Variants in ADARB2 observed in about 807,000 individuals in gnomAD.
ADARB2 encodes the protein inactive double-stranded RNA-specific editase B2.
Under a neutral mutation model 62.2 loss-of-function variants are expected in ADARB2, and 25 were observed. The ratio of observed to expected loss-of-function variants is 0.40; its 90% CI spans 0.29 to 0.56. ADARB2 has a LOEUF of 0.56. Among genes scored for constraint, ADARB2 ranks in the 20% least tolerant of loss-of-function variants. ADARB2 has a pLI of 0.43. For synonymous variants in ADARB2, 572 were observed against 500.8 expected (o/e 1.14, Z -1.90); for missense variants, 1,071 against 1,077.4 (o/e 0.99, Z 0.08).
At chr10:1,509,595 T>A (rs1296340579) in intron 1 of ADARB2, among the ~76,000 whole-genome samples, 1 of 152,238 alleles carries the variant, frequency 6.6e-6, no homozygotes, top group Non-Finnish European at 1.5e-5. Flanking sequence ...CAGATAGGCT[T>A]GACTATTTGT....
rs189755194 is a variant in ADARB2 at position 1,685,898 on chromosome 10, C to A, written c.100+51153G>T. ...TGGGGGAGGCTGAGTATGTGCAGGG[C>A]GGACGTGGCTGGGTGGCCTCTGCCC... On this transcript the variant is annotated intron_variant, in intron 1 of 9. Transcript: ENST00000381312. Among the ~76,000 whole-genome samples the A allele has an allele frequency of 9.9e-4, 151 of 152,246 alleles. 1 individual carries two copies. Among genetic ancestry groups the A allele is most frequent in the Non-Finnish European group, 4.0e-4 (27 of 68,026 alleles).
intron 1 of ADARB2, among the ~76,000 whole-genome samples, chr10:1,527,874 G>C (rs1315871167): frequency 6.6e-6 from 1 of 152,186 alleles, no homozygotes; most frequent in African/African-American, 2.4e-5. Flanking sequence ...ATGGGTCTTT[G>C]CTGTCATCAA....
intron 3 of ADARB2, among the ~76,000 whole-genome samples, chr10:1,295,483 T>C (rs949249468): frequency 5.9e-5 from 9 of 152,202 alleles, no homozygotes; most frequent in Non-Finnish European, 1.2e-4. Context: ...ACATCAGAGA[T>C]GTCCGATGCA....
chr10:1,319,434 C>T (rs1831775614), intron 3 of ADARB2, among the ~76,000 whole-genome samples: 1 of 152,152 alleles, frequency 6.6e-6, no homozygotes, highest in Admixed American at 6.5e-5. Flanking sequence ...ACAGATAGAT[C>T]ACCTGGAAAT....
At chr10:1,678,294 G>T in intron 1 of ADARB2, 1 of 984,956 alleles carries the variant, frequency 1.0e-6, no homozygotes, top group South Asian at 4.7e-5. Context: ...CGTCCTCGGG[G>T]TGAGCATCCT....
chr10:1,716,202 A>C (rs966165057), intron 1 of ADARB2, among the ~76,000 whole-genome samples: 2 of 152,218 alleles, frequency 1.3e-5, no homozygotes, highest in Admixed American at 6.5e-5. Flanking sequence ...CGACTCATGC[A>C]CACCTGCTGA....
intron 3 of ADARB2, among the ~76,000 whole-genome samples, chr10:1,328,521 CAG>C (rs1055574800): frequency 6.6e-5 from 10 of 152,022 alleles, no homozygotes; most frequent in African/African-American, 2.4e-4. Context: ...TTTTCTTGAA[CAG>C]TGCAAACATT....
At chr10:1,274,839 C>G (rs1464564250) in intron 3 of ADARB2, among the ~76,000 whole-genome samples, 1 of 152,230 alleles carries the variant, frequency 6.6e-6, no homozygotes, top group Non-Finnish European at 1.5e-5. Flanking sequence ...TTGCACTGAA[C>G]TGGTGACCAG....
intron 3 of ADARB2, among the ~76,000 whole-genome samples, chr10:1,311,425 ATGC>A (rs1415192381): frequency 1.3e-5 from 2 of 152,172 alleles, no homozygotes; most frequent in Non-Finnish European, 2.9e-5. Flanking sequence ...GATCCTTCAG[ATGC>A]TCCCCAAACA....
chr10:1,717,196 C>T lies in ADARB2; in HGVS notation c.100+19855G>A, dbSNP rs1000279774. Among the ~76,000 whole-genome samples the T allele has an allele frequency of 3.5e-5, 4 of 114,058 alleles. No individual in the cohort carries two copies. The East Asian group carries it at 1.1e-3, about 31-fold the overall frequency. The allele number at this position is 114,058 out of a possible 152,430, so 74.8% of individuals were successfully genotyped here. A position where few individuals can be genotyped will look rare whatever the true frequency, so the allele number is the denominator to read the frequency against. On this transcript the variant is annotated intron_variant, in intron 1 of 9. Coordinates refer to ENST00000381312, the MANE Select transcript of ADARB2 (RefSeq NM_018702.4). ...TTTTTTGCTTTTTGTTTTTAAATCTCTGAGCTCTTCCCATTTGCAGACACA... is the reference window on the plus strand; with the variant it reads ...TTTTTTGCTTTTTGTTTTTAAATCTTTGAGCTCTTCCCATTTGCAGACACA...
intron 1 of ADARB2, among the ~76,000 whole-genome samples, chr10:1,447,924 G>A (rs1830991666): frequency 6.6e-6 from 1 of 152,064 alleles, no homozygotes. Flanking sequence ...CTTTTTTATA[G>A]CTGCATAGTA....
In ADARB2 at chr10:1,508,282, C is replaced by T. The variant is rs374325564; in HGVS notation, c.101-129122G>A. Among the ~76,000 whole-genome samples, 4 of 152,306 alleles carry T rather than the reference C, an allele frequency of 2.6e-5. No individual in the cohort carries two copies. The East Asian group carries it at 7.7e-4, about 29-fold the overall frequency. ...GAACCTCAATGGACGTCAGTGCTGTCCCCGCAGCTGGTGAAGACACACGCT... is the reference window on the plus strand; with the variant it reads ...GAACCTCAATGGACGTCAGTGCTGTTCCCGCAGCTGGTGAAGACACACGCT... On this transcript the variant is annotated intron_variant, in intron 1 of 9. Coordinates refer to ENST00000381312, the MANE Select transcript of ADARB2 (RefSeq NM_018702.4).
At chr10:1,229,317 A>C (rs1178810706) in intron 6 of ADARB2, among the ~76,000 whole-genome samples, 1 of 152,124 alleles carries the variant, frequency 6.6e-6, no homozygotes, top group Non-Finnish European at 1.5e-5. Flanking sequence ...GGAGCCCCTG[A>C]GCCTGGGCCT....
chr10:1,720,968 C>T (rs1835085174), intron 1 of ADARB2, among the ~76,000 whole-genome samples: 2 of 152,226 alleles, frequency 1.3e-5, no homozygotes, highest in Non-Finnish European at 2.9e-5. Flanking sequence ...TTTGAATGTG[C>T]ATCTTCCCAC....
chr10:1,558,380 A>C (rs113350323), intron 1 of ADARB2, among the ~76,000 whole-genome samples: 1 of 100,578 alleles, frequency 9.9e-6, no homozygotes, highest in African/African-American at 4.5e-5. Context: ...CGCATGCTCC[A>C]TCTAAACTCG....
chr10:1,491,897 T>C (rs1564306595), intron 1 of ADARB2, among the ~76,000 whole-genome samples: 1 of 152,236 alleles, frequency 6.6e-6, no homozygotes, highest in Non-Finnish European at 1.5e-5. Context: ...CTAACTGGAT[T>C]GTTGTAAAAA....
intron 1 of ADARB2, among the ~76,000 whole-genome samples, chr10:1,638,478 C>G (rs1197464884): frequency 1.3e-5 from 2 of 151,212 alleles, no homozygotes; most frequent in African/African-American, 4.9e-5. Flanking sequence ...CCTTATAAAG[C>G]TTTGGTCTAT....
chr10:1,347,764 A>G (rs115149226), intron 3 of ADARB2, among the ~76,000 whole-genome samples: 1,980 of 152,296 alleles, frequency 0.013, 51 homozygotes, highest in African/African-American at 0.045. Flanking sequence ...CCACGTACGC[A>G]GTGCACCGAA....
intron 3 of ADARB2, among the ~76,000 whole-genome samples, chr10:1,296,507 C>T (rs1831524487): frequency 6.6e-6 from 1 of 152,126 alleles, no homozygotes; most frequent in Non-Finnish European, 1.5e-5. Context: ...TAACTGGCGG[C>T]AGAGAATTGA....
Sources: allele counts gnomAD v4.1 joint callset (sites outside exome capture counted in the v4.1 genomes callset), GRCh38; gene constraint gnomAD v4.1.1; transcripts MANE v1.5; gene names NCBI Gene and HGNC (gene_info 2026-07-23, HGNC 2026-07-21).